Variants in SLC26A7 observed in about 807,000 individuals in gnomAD.
The protein encoded by SLC26A7 is anion exchange transporter.
A neutral mutation model predicts 82.5 loss-of-function variants in SLC26A7; 59 were observed. That is an observed-to-expected ratio of 0.72 (90% CI 0.58 to 0.89). The LOEUF (loss-of-function observed/expected upper bound fraction) is 0.89. SLC26A7 is among the 40% of genes least tolerant of loss of function. The pLI, the probability that SLC26A7 is intolerant of heterozygous loss-of-function variation, is 0.00. For missense variants in SLC26A7, 820 were observed against 793.0 expected (o/e 1.03, Z -0.41); for synonymous variants, 271 against 274.3 (o/e 0.99, Z 0.12).
intron 2 of SLC26A7, among the ~76,000 whole-genome samples, chr8:91,224,202 C>T (rs923190334): frequency 7.9e-5 from 12 of 152,102 alleles, no homozygotes; most frequent in East Asian, 1.9e-4. Context: ...TCTGATCCTC[C>T]GTCTAGTTCT....
At chr8:91,369,463 C>T (rs1814293264) in intron 14 of SLC26A7, among the ~76,000 whole-genome samples, 1 of 150,730 alleles carries the variant, frequency 6.6e-6, no homozygotes, top group African/African-American at 2.4e-5. Context: ...AAGATGATTT[C>T]TGATTGAATA....
intron 1 of SLC26A7, among the ~76,000 whole-genome samples, chr8:91,215,935 GGCA>G (rs2130654573): frequency 6.6e-6 from 1 of 152,172 alleles, no homozygotes; most frequent in East Asian, 1.9e-4. Context: ...AATTTAAAAG[GGCA>G]GCAAGTGTTA....
At chr8:91,322,223 G>A (rs1812810530) in intron 5 of SLC26A7, among the ~76,000 whole-genome samples, 2 of 152,002 alleles carry the variant, frequency 1.3e-5, no homozygotes, top group Admixed American at 6.6e-5. Context: ...AATGGGGGTT[G>A]ATCATTAAAA....
intron 2 of SLC26A7, among the ~76,000 whole-genome samples, chr8:91,269,261 A>T (rs1811201913): frequency 1.3e-5 from 2 of 151,868 alleles, no homozygotes; most frequent in Non-Finnish European, 1.5e-5. Context: ...TTAGCATTTT[A>T]TGTAAGGCAG....
chr8:91,348,944 A>G (rs1226134426), intron 9 of SLC26A7, among the ~76,000 whole-genome samples: 1 of 152,206 alleles, frequency 6.6e-6, no homozygotes, highest in African/African-American at 2.4e-5. Flanking sequence ...TTTGATCTTA[A>G]TTTGAGCTCT....
chr8:91,212,036 C>A (rs1809936959), intron 1 of SLC26A7, among the ~76,000 whole-genome samples: 2 of 152,034 alleles, frequency 1.3e-5, no homozygotes, highest in African/African-American at 4.8e-5. Context: ...AATCCAGATG[C>A]TTTTGTCTTT....
At chr8:91,236,739 G>T (rs1463995100) in intron 2 of SLC26A7, among the ~76,000 whole-genome samples, 2 of 152,068 alleles carry the variant, frequency 1.3e-5, no homozygotes, top group Non-Finnish European at 2.9e-5. Flanking sequence ...GTTTAAATGT[G>T]AGTGTCTGAT....
rs1162003875 is a variant in SLC26A7 at position 91,396,937 on chromosome 8, T to C, written c.*1840T>C. 1 of 152,116 alleles carries C rather than the reference T, an allele frequency of 6.6e-6. No individual in the cohort carries two copies. The highest frequency in any genetic ancestry group is 1.5e-5 in the Non-Finnish European group (1 of 67,952). The allele number at this position is 152,116 out of a possible 1,614,324, so 9.4% of individuals were successfully genotyped here. On this transcript the variant is annotated 3_prime_UTR_variant, in exon 19 of 19. Transcript: ENST00000276609. The stretch of plus-strand genomic sequence containing the variant: ...ATAAATTGATATTTTGCTATGCAAC[T>C]CCTGTAATTGAATTTGTATAATGCA...
chr8:91,368,413 G>GTTT lies in SLC26A7; in HGVS notation c.1627-1363_1627-1361dup, dbSNP rs565439844. On this transcript the variant is annotated intron_variant, in intron 14 of 18. Transcript: ENST00000276609. ...TTTTGCAAGGGAGATTTCAGATGAG[G>GTTT]TTTTTTTTTTTGTTTTTTTTTTTGA... is the stretch of plus-strand genomic sequence containing the variant. Among the ~76,000 whole-genome samples, 155 of 144,912 alleles carry GTTT rather than the reference G, an allele frequency of 1.1e-3. 1 individual carries two copies. Among genetic ancestry groups the GTTT allele is most frequent in the South Asian group, 1.5e-3 (7 of 4,534 alleles).
chr8:91,281,662 G>C (rs907835016), intron 2 of SLC26A7, among the ~76,000 whole-genome samples: 6 of 152,160 alleles, frequency 3.9e-5, no homozygotes, highest in African/African-American at 1.4e-4. Context: ...CTGGATCAAG[G>C]TATATATGTA....
Position 91,334,437 on chromosome 8 carries a change from A to G in SLC26A7, c.785A>G (p.Asp262Gly), listed in dbSNP as rs1191129523. 1.2e-6 allele frequency: 2 copies of G among 1,611,158 alleles called. No individual in the cohort carries two copies. The highest frequency in any genetic ancestry group is 1.7e-6 in the Non-Finnish European group (2 of 1,178,994). Residue 262 changes from aspartate (D) to glycine (G), a missense_variant, in exon 6 of 19, where the codon GAT (aspartate) becomes GGT (glycine). Coordinates refer to ENST00000276609, the MANE Select transcript of SLC26A7 (RefSeq NM_052832.4). ...KRKIKVVLPV[D>G]LVLIIAASFA... ...AAAATTAAAGTTGTTCTTCCTGTAG[A>G]TTTAGTTTTGGTAAGTATAAAATCA...
At chr8:91,362,598 A>C in intron 12 of SLC26A7, 139 bp downstream of exon 12, 1 of 593,994 alleles carries the variant, frequency 1.7e-6, no homozygotes, top group Non-Finnish European at 3.0e-6. Context: ...TGCTGTCAGA[A>C]AACTAGAGAC....
chr8:91,300,073 G>C (rs1216993685), intron 4 of SLC26A7, among the ~76,000 whole-genome samples: 1 of 152,190 alleles, frequency 6.6e-6, no homozygotes, highest in East Asian at 1.9e-4. Context: ...TTGGGATTGT[G>C]TTAAACTGAC....
rs1413627993 is a variant in SLC26A7 at position 91,394,022 on chromosome 8, C to T, written c.1918C>T (p.His640Tyr). The T allele has an allele frequency of 6.2e-7, 1 of 1,612,902 alleles. No individual in the cohort carries two copies. Among genetic ancestry groups the T allele is most frequent in the African/African-American group, 1.3e-5 (1 of 74,854 alleles). ...FFESVSAAIS[H>Y]IHSNKNLSKL... The stretch of plus-strand genomic sequence containing the variant: ...TGAATCGGTATCTGCTGCAATAAGT[C>T]ATATCCATTCAAATAAGGTGAGTTG... The change falls in exon 18 of 19, where the codon CAT becomes TAT. Residue 640 changes from histidine (H) to tyrosine (Y), a missense_variant. Physicochemically the swap from His to Tyr is moderately conservative, Grantham distance 83 (BLOSUM62 2). Coordinates refer to ENST00000276609, the MANE Select transcript of SLC26A7 (RefSeq NM_052832.4).
upstream of SLC26A7, among the ~76,000 whole-genome samples, chr8:91,247,958 G>A (rs376182892): frequency 4.0e-4 from 61 of 152,082 alleles, 1 homozygote; most frequent in Admixed American, 1.8e-3. Context: ...ATTTCTTTGC[G>A]TATATAATAA....
At chr8:91,247,628 G>T (rs1810563260), upstream of SLC26A7, among the ~76,000 whole-genome samples, 1 of 152,012 alleles carries the variant, frequency 6.6e-6, no homozygotes, top group Admixed American at 6.6e-5. Flanking sequence ...GAACTATTTT[G>T]TTAATTTCTA....
intron 15 of SLC26A7, among the ~76,000 whole-genome samples, chr8:91,376,880 C>T (rs879258159): frequency 7.2e-5 from 11 of 152,060 alleles, no homozygotes; most frequent in African/African-American, 1.7e-4. Context: ...ACCTCCCTAT[C>T]GCACCCCTGC....
intron 2 of SLC26A7, among the ~76,000 whole-genome samples, chr8:91,234,825 C>CTCCTTCCTTCCTTCCTTCCTTCCT (rs1267737133): frequency 1.2e-5 from 1 of 86,474 alleles, no homozygotes; most frequent in African/African-American, 4.7e-5. Context: ...ACCTACCTAC[C>CTCCTTCCTTCCTTCCTTCCTTCCT]TACTTCCTTC....
rs74542743 is a variant in SLC26A7, at chr8:91,318,957, T to C, written c.642+577T>C. The stretch of plus-strand genomic sequence containing the variant: ...TAACCGCTCAAGAACTCAGATCCTA[T>C]TAGAGGTTTATTTTTTAAAAAGCCT... On this transcript the variant is annotated intron_variant, in intron 5 of 18. Coordinates refer to ENST00000276609, the MANE Select transcript of SLC26A7 (RefSeq NM_052832.4). 6.8e-4 allele frequency among the ~76,000 whole-genome samples: 103 copies of C among 152,350 alleles called. No homozygotes were observed. The East Asian group carries it at 0.019, about 28-fold the overall frequency.
Sources: allele counts gnomAD v4.1 joint callset (sites outside exome capture counted in the v4.1 genomes callset), GRCh38; gene constraint gnomAD v4.1.1; transcripts MANE v1.5; gene names NCBI Gene and HGNC (gene_info 2026-07-23, HGNC 2026-07-21).